ABL1: variants seen among roughly 807,000 people sequenced by gnomAD.
ABL1 encodes the protein tyrosine-protein kinase ABL1.
Under a neutral mutation model 94.7 loss-of-function variants are expected in ABL1, and 11 were observed. The observed-to-expected ratio is 0.12, with a 90% CI of 0.07 to 0.19. The LOEUF (loss-of-function observed/expected upper bound fraction) is 0.19, where lower values mean the gene tolerates loss of function less well. ABL1 is among the 10% of genes least tolerant of loss of function. The pLI is 1.00. For synonymous variants in ABL1, 656 were observed against 622.4 expected (o/e 1.05, Z -0.80); for missense variants, 1,082 against 1,489.4 (o/e 0.73, Z 4.50).
At chr9:130,833,178 A>C (rs1293661809), upstream of ABL1, among the ~76,000 whole-genome samples, 1 of 152,254 alleles carries the variant, frequency 6.6e-6, no homozygotes, top group Admixed American at 6.5e-5. Context: ...ACGGTATTCA[A>C]GGATATGGCT....
upstream of ABL1, among the ~76,000 whole-genome samples, chr9:130,833,605 T>C (rs1830520205): frequency 6.6e-6 from 1 of 152,204 alleles, no homozygotes; most frequent in Non-Finnish European, 1.5e-5. Context: ...TGGATGCTCA[T>C]GAGGCCTGAT....
At chr9:130,848,901 T>C (rs1335732122) in intron 1 of ABL1, among the ~76,000 whole-genome samples, 4 of 151,880 alleles carry the variant, frequency 2.6e-5, no homozygotes, top group African/African-American at 4.8e-5. Flanking sequence ...ATCACGCCAT[T>C]GCACTCCAGC....
At chr9:130,781,350 C>T (rs576455782) in intron 1 of ABL1, among the ~76,000 whole-genome samples, 2 of 152,210 alleles carry the variant, frequency 1.3e-5, no homozygotes, top group Admixed American at 6.5e-5. Context: ...CTCACTTGCC[C>T]GTGTGGGTGC....
chr9:130,786,547 T>C (rs1392341533), intron 1 of ABL1, among the ~76,000 whole-genome samples: 1 of 152,228 alleles, frequency 6.6e-6, no homozygotes, highest in Non-Finnish European at 1.5e-5. Context: ...TCCTGACTGG[T>C]ACATCACCTC....
chr9:130,725,285 C>T (rs1013840404), intron 1 of ABL1, among the ~76,000 whole-genome samples: 1 of 152,152 alleles, frequency 6.6e-6, no homozygotes, highest in Non-Finnish European at 1.5e-5. Context: ...TGCTTTTTCT[C>T]TCTATGAATT....
At chr9:130,730,538 C>CA (rs1831650844) in intron 1 of ABL1, among the ~76,000 whole-genome samples, 1 of 151,982 alleles carries the variant, frequency 6.6e-6, no homozygotes, top group Admixed American at 6.6e-5. Flanking sequence ...GTTTATTCCT[C>CA]ATTGATTTTT....
At chr9:130,743,777 G>A (rs1488940189) in intron 1 of ABL1, among the ~76,000 whole-genome samples, 3 of 152,070 alleles carry the variant, frequency 2.0e-5, no homozygotes, top group African/African-American at 4.8e-5. Context: ...TGGGGGTCAC[G>A]CTGTGATTGA....
chr9:130,789,354 G>A (rs1829872678), intron 1 of ABL1, among the ~76,000 whole-genome samples: 1 of 152,176 alleles, frequency 6.6e-6, no homozygotes, highest in African/African-American at 2.4e-5. Flanking sequence ...TGTAGAAACT[G>A]GTTTTATCCT....
chr9:130,715,811 C>A (rs942900717), intron 1 of ABL1, among the ~76,000 whole-genome samples: 2 of 152,042 alleles, frequency 1.3e-5, no homozygotes, highest in African/African-American at 2.4e-5. Flanking sequence ...CCTGTGTGTC[C>A]CTGATATCTC....
At chr9:130,883,368 G>T (rs1831499061) in intron 10 of ABL1, among the ~76,000 whole-genome samples, 1 of 152,110 alleles carries the variant, frequency 6.6e-6, no homozygotes, top group South Asian at 2.1e-4. Flanking sequence ...GTGGTAGCGG[G>T]TGCCTATAGT....
At chr9:130,850,993 G>A (rs994171759) in intron 1 of ABL1, among the ~76,000 whole-genome samples, 11 of 151,480 alleles carry the variant, frequency 7.3e-5, no homozygotes, top group South Asian at 2.1e-4. Context: ...GCGTGATCTC[G>A]GCTCCCTGCA....
Position 130,884,765 on chromosome 9 carries a change from C to G in ABL1, c.2475C>G (p.Ala825=), listed in dbSNP as rs1216708333. 1.2e-6 allele frequency: 2 copies of G among 1,611,970 alleles called. No homozygotes were observed. Among genetic ancestry groups the G allele is most frequent in the African/African-American group, 2.7e-5 (2 of 74,912 alleles). Residue 825 remains alanine, a synonymous_variant, in exon 11 of 11, where the codon GCC becomes GCG. Transcript: ENST00000318560. This position sits in a 1 kb window ranked among gnomAD's most constrained non-coding sequence, Gnocchi z 5.6. ...PKPLRRQVTV[A]PASGLPHKEE... ...CCCTCCGGCGGCAGGTCACCGTGGC[C>G]CCTGCCTCGGGCCTCCCCCACAAGG...
At chr9:130,743,256 A>G (rs1189984810) in intron 1 of ABL1, among the ~76,000 whole-genome samples, 1 of 152,148 alleles carries the variant, frequency 6.6e-6, no homozygotes, top group Non-Finnish European at 1.5e-5. Context: ...TATTGTTAGT[A>G]GAGATGGGGT....
intron 4 of ABL1, among the ~76,000 whole-genome samples, chr9:130,868,607 G>T (rs1831199537): frequency 6.8e-6 from 1 of 147,138 alleles, no homozygotes; most frequent in African/African-American, 2.5e-5. Flanking sequence ...CACTGCAACG[G>T]CCTCCCAGGT....
At chr9:130,732,790 T>TC (rs1831683491) in intron 1 of ABL1, among the ~76,000 whole-genome samples, 1 of 145,890 alleles carries the variant, frequency 6.9e-6, no homozygotes, top group Non-Finnish European at 1.5e-5. Context: ...TTTTTTTTTT[T>TC]CACTGTGTCC....
chr9:130,771,045 T>C (rs2132766773), intron 1 of ABL1, among the ~76,000 whole-genome samples: 1 of 152,354 alleles, frequency 6.6e-6, no homozygotes, highest in South Asian at 2.1e-4. Context: ...TTACATTGTA[T>C]TGGGCCTGGA....
intron 1 of ABL1, among the ~76,000 whole-genome samples, chr9:130,808,303 G>A (rs1830158132): frequency 6.7e-6 from 1 of 149,234 alleles, no homozygotes; most frequent in Non-Finnish European, 1.5e-5. Context: ...GAGTGCAGTG[G>A]CACAATCTCG....
rs1831227815 is a variant in ABL1 at position 130,870,053 on chromosome 9, G to A, written c.823-2076G>A. Among the ~76,000 whole-genome samples the A allele has an allele frequency of 2.6e-5, 4 of 152,370 alleles. No homozygotes were observed. The South Asian group carries it at 8.3e-4, about 32-fold the overall frequency. The stretch of plus-strand genomic sequence containing the variant: ...TTGACCAGGTTGTTCCGGAACTCAG[G>A]TGATCCACCTTGGCCTCCCAAAGTG... On this transcript the variant is annotated intron_variant, in intron 4 of 10. Coordinates refer to ENST00000318560, the MANE Select transcript of ABL1 (RefSeq NM_005157.6).
chr9:130,851,109 A>G (rs924968231), intron 1 of ABL1, among the ~76,000 whole-genome samples: 2 of 152,036 alleles, frequency 1.3e-5, no homozygotes, highest in Admixed American at 6.5e-5. Context: ...TATTTTTAGT[A>G]GAGACGGGGC....
Sources: gnomAD v4.1 joint callset for allele counts (sites outside exome capture counted in the v4.1 genomes callset) on GRCh38, gnomAD v4.1.1 for gene constraint, Gnocchi (gnomAD v3.1) non-coding constraint, MANE v1.5 for transcripts, NCBI Gene and HGNC (gene_info 2026-07-23, HGNC 2026-07-21) for gene names.